The following MPPED2 variants were observed in gnomAD, a reference collection of about 807,000 sequenced individuals.
The protein encoded by MPPED2 is metallophosphoesterase domain containing 2, also known as metallophosphoesterase MPPED2.
In MPPED2, 5 loss-of-function variants were observed where a neutral mutation model predicts 33.0. The ratio of observed to expected loss-of-function variants is 0.15; its 90% CI spans 0.08 to 0.32. The LOEUF (loss-of-function observed/expected upper bound fraction) is 0.32. Among genes scored for constraint, MPPED2 ranks in the 10% least tolerant of loss-of-function variants. The probability of loss-of-function intolerance (pLI) is 1.00; values close to 1 mark genes in which losing one functional copy is unlikely to be tolerated. For missense variants in MPPED2, 275 were observed against 372.1 expected (o/e 0.74, Z 2.15); for synonymous variants, 136 against 141.9 (o/e 0.96, Z 0.29).
downstream of MPPED2, among the ~76,000 whole-genome samples, chr11:30,407,670 G>C (rs1240871409): frequency 2.0e-4 from 30 of 152,146 alleles, no homozygotes; most frequent in Non-Finnish European, 4.0e-4. Context: ...TCAGGAGCTG[G>C]AGACTGTCCT....
At chr11:30,506,281 C>T (rs915444078) in intron 3 of MPPED2, among the ~76,000 whole-genome samples, 1 of 152,000 alleles carries the variant, frequency 6.6e-6, no homozygotes, top group Non-Finnish European at 1.5e-5. Context: ...TCAGCTGATC[C>T]CCTCAGCCCG....
At chr11:30,429,885 G>C (rs1404210001) in intron 4 of MPPED2, among the ~76,000 whole-genome samples, 1 of 152,124 alleles carries the variant, frequency 6.6e-6, no homozygotes. Flanking sequence ...ATTATAACTT[G>C]CTTGTGTGTG....
chr11:30,519,984 G>A (rs1953762591), intron 3 of MPPED2, among the ~76,000 whole-genome samples: 1 of 152,090 alleles, frequency 6.6e-6, no homozygotes, highest in African/African-American at 2.4e-5. Flanking sequence ...AAAGCTCAGA[G>A]GTTGTATATT....
chr11:30,386,896 C>T (rs1947709287), exon 7 of MPPED2: 1 of 397,220 alleles, frequency 2.5e-6, no homozygotes, highest in Non-Finnish European at 4.4e-6. Flanking sequence ...TATTAAGCAT[C>T]TGCCAAATGT....
At position 30,586,235 on chromosome 11, in the gene MPPED2, C is replaced by CT. The variant is rs939517515; in HGVS notation, c.-316dup. 8 of 152,998 alleles carry CT rather than the reference C, an allele frequency of 5.2e-5. No homozygotes were observed. The highest frequency in any genetic ancestry group is 1.4e-4 in the African/African-American group (6 of 41,532). 9.5% of individuals were successfully genotyped at this position (152,998 alleles called of 1,614,324 possible). On this transcript the variant is annotated 5_prime_UTR_variant, in exon 1 of 7. Coordinates refer to ENST00000358117, the MANE Select transcript of MPPED2 (RefSeq NM_001584.3). The surrounding 1 kb of genome is among the most constrained non-coding windows in gnomAD (Gnocchi z 4.8). ...GGGCTGGGGGCCAGGGGGCGCGGCG[C>CT]TAGAGGGAGGCGGGGGGAGAAAGGA...
At chr11:30,499,988 G>C (rs1260868949) in intron 3 of MPPED2, among the ~76,000 whole-genome samples, 1 of 152,144 alleles carries the variant, frequency 6.6e-6, no homozygotes, top group Non-Finnish European at 1.5e-5. Flanking sequence ...TCTGCCAAGA[G>C]ATCTCCCCTC....
intron 2 of MPPED2, among the ~76,000 whole-genome samples, chr11:30,563,227 C>T (rs1956308052): frequency 6.6e-6 from 1 of 152,112 alleles, no homozygotes; most frequent in Non-Finnish European, 1.5e-5. Context: ...GCACCAGGGA[C>T]AGGTGTGGTG....
In MPPED2 at chr11:30,393,047, A is replaced by C. The variant is rs889841565; in HGVS notation, c.767-4091T>G. Among the ~76,000 whole-genome samples, 23 of 151,164 alleles carry C rather than the reference A, an allele frequency of 1.5e-4. 1 individual carries two copies. Among genetic ancestry groups the C allele is most frequent in the Admixed American group, 1.3e-3 (19 of 15,180 alleles). ...CCAGCCACTACTTCCCTGAACATTC[A>C]CTCCTTGTATTTGGGAACCTTCAAT... On this transcript the variant is annotated intron_variant, in intron 6 of 6. Transcript: ENST00000448418.
At chr11:30,479,794 A>G (rs940725486) in intron 4 of MPPED2, among the ~76,000 whole-genome samples, 1 of 152,148 alleles carries the variant, frequency 6.6e-6, no homozygotes, top group Non-Finnish European at 1.5e-5. Flanking sequence ...ATATTTTAAA[A>G]GCTATGCCTT....
chr11:30,498,181 T>C (rs944364862), intron 3 of MPPED2, among the ~76,000 whole-genome samples: 4 of 152,094 alleles, frequency 2.6e-5, no homozygotes, highest in African/African-American at 7.2e-5. Flanking sequence ...TGCCTGCCTT[T>C]TTCCATTTTA....
chr11:30,539,281 C>G (rs1954974143), intron 2 of MPPED2, among the ~76,000 whole-genome samples: 1 of 152,180 alleles, frequency 6.6e-6, no homozygotes, highest in African/African-American at 2.4e-5. Context: ...AACTTTACCA[C>G]TTACTGTTTA....
intron 2 of MPPED2, among the ~76,000 whole-genome samples, chr11:30,554,418 G>T (rs986082153): frequency 2.0e-5 from 3 of 152,166 alleles, no homozygotes; most frequent in Non-Finnish European, 4.4e-5. Flanking sequence ...TTGAAGGGTA[G>T]TCTCCTGTTT....
intron 2 of MPPED2, among the ~76,000 whole-genome samples, chr11:30,552,231 G>T (rs1955749185): frequency 6.6e-6 from 1 of 152,156 alleles, no homozygotes; most frequent in Non-Finnish European, 1.5e-5. Flanking sequence ...CGTTAATCTG[G>T]TCAAACAGGA....
chr11:30,511,193 T>C (rs931989132), intron 3 of MPPED2, among the ~76,000 whole-genome samples: 16 of 152,292 alleles, frequency 1.1e-4, no homozygotes, highest in African/African-American at 3.9e-4. Flanking sequence ...GGCCCCAGAA[T>C]GCCATGAAAT....
intron 4 of MPPED2, among the ~76,000 whole-genome samples, chr11:30,434,275 G>C (rs903190425): frequency 1.2e-4 from 19 of 152,318 alleles, no homozygotes; most frequent in Admixed American, 9.8e-4. Flanking sequence ...GAGCTGAAGA[G>C]GAGGTGGGCA....
rs1290551763 is a variant in MPPED2 at position 30,565,639 on chromosome 11, A to C, written c.128+14607T>G. On this transcript the variant is annotated intron_variant, in intron 2 of 6. Transcript: ENST00000358117. ...TAGACACAGCCACAGGGAAAGTTAG[A>C]GAGAAAACCTGAAGTCAGTCATCTA... Among the ~76,000 whole-genome samples, 3 of 152,332 alleles carry C rather than the reference A, an allele frequency of 2.0e-5. No homozygotes were observed. The East Asian group carries it at 5.8e-4, about 29-fold the overall frequency.
At chr11:30,455,821 C>G (rs1276126470) in intron 4 of MPPED2, among the ~76,000 whole-genome samples, 1 of 152,214 alleles carries the variant, frequency 6.6e-6, no homozygotes, top group Admixed American at 6.5e-5. Flanking sequence ...GTAGTCCTAC[C>G]ATGCTCAGAA....
intron 4 of MPPED2, chr11:30,441,501 C>T (rs556479882): frequency 6.6e-6 from 1 of 152,310 alleles, no homozygotes; most frequent in East Asian, 1.9e-4. Context: ...CACTTAGAAA[C>T]ATCTGTAATG....
At chr11:30,522,690 G>A (rs1396137661) in intron 3 of MPPED2, among the ~76,000 whole-genome samples, 1 of 152,178 alleles carries the variant, frequency 6.6e-6, no homozygotes, top group Non-Finnish European at 1.5e-5. Flanking sequence ...GGCCTGCCCT[G>A]CGTGTGGGAA....
Sources: allele counts gnomAD v4.1 joint callset (sites outside exome capture counted in the v4.1 genomes callset), GRCh38; gene constraint gnomAD v4.1.1; non-coding constraint Gnocchi (gnomAD v3.1); transcripts MANE v1.5; gene names NCBI Gene and HGNC (gene_info 2026-07-23, HGNC 2026-07-21).